DMGDH: variants seen among roughly 807,000 people sequenced by gnomAD.
DMGDH encodes the protein dimethylglycine dehydrogenase.
Under a neutral mutation model 95.2 loss-of-function variants are expected in DMGDH, and 76 were observed. The observed-to-expected ratio is 0.80, with a 90% CI of 0.66 to 0.97. The LOEUF (loss-of-function observed/expected upper bound fraction) is 0.97, where lower values mean the gene tolerates loss of function less well. Ranked by LOEUF, DMGDH falls within the 50% of genes least tolerant of loss-of-function variation. The probability of loss-of-function intolerance (pLI) is 0.00; values close to 1 mark genes in which losing one functional copy is unlikely to be tolerated. For missense variants in DMGDH, 987 were observed against 1,055.0 expected, an observed-to-expected ratio of 0.94 and a Z score of 0.89; for synonymous variants, 345 against 377.6, an observed-to-expected ratio of 0.91 and a Z score of 1.00.
chr5:79,025,657 A>G (rs1038534127), intron 13 of DMGDH, among the ~76,000 whole-genome samples: 1 of 152,184 alleles, frequency 6.6e-6, no homozygotes, highest in African/African-American at 2.4e-5. Context: ...TTCAAACCCA[A>G]GAGTCCCCGC....
rs749623624 is a variant in DMGDH at position 79,042,406 on chromosome 5, G to A, written c.1070C>T (p.Pro357Leu). The A allele has an allele frequency of 1.2e-6, 2 of 1,614,034 alleles. No individual in the cohort carries two copies. The highest frequency in any genetic ancestry group is 3.3e-5 in the Admixed American group (2 of 59,996). The change falls in exon 7 of 16, where the codon CCT (proline) becomes CTT (leucine). Residue 357 changes from proline (P) to leucine (L), a missense_variant. By Grantham distance (98) the Pro-to-Leu change is moderately conservative. Coordinates refer to ENST00000255189, the MANE Select transcript of DMGDH (RefSeq NM_013391.3). ...EHIKAAMEMV[P>L]VLKKADIINV... ...GATGATGTCAGCCTTTTTCAAGACA[G>A]GAACCATTTCCATGGCAGCTTTGAT...
chr5:79,009,821 G>T (rs1753615464), intron 14 of DMGDH, among the ~76,000 whole-genome samples: 1 of 152,088 alleles, frequency 6.6e-6, no homozygotes, highest in South Asian at 2.1e-4. Context: ...TTGCTCCCAA[G>T]ATTATAGATT....
chr5:79,023,457 C>G, intron 14 of DMGDH, among the ~76,000 whole-genome samples: 1 of 152,298 alleles, frequency 6.6e-6, no homozygotes, highest in East Asian at 1.9e-4. Context: ...TCATGATATG[C>G]TTTTCCACTA....
intron 2 of DMGDH, among the ~76,000 whole-genome samples, chr5:79,063,335 T>C (rs1025332651): frequency 1.3e-5 from 2 of 152,126 alleles, no homozygotes; most frequent in African/African-American, 4.8e-5. Flanking sequence ...TATTAAGACA[T>C]CAGAAAATGG....
At chr5:79,011,002 C>T (rs964020689) in intron 14 of DMGDH, among the ~76,000 whole-genome samples, 1 of 152,100 alleles carries the variant, frequency 6.6e-6, no homozygotes, top group Non-Finnish European at 1.5e-5. Flanking sequence ...GTGGGAATCC[C>T]GTTGCAAAGC....
Position 79,020,679 on chromosome 5 carries a change from G to C in DMGDH, c.2250+3592C>G, listed in dbSNP as rs902361268. On this transcript the variant is annotated intron_variant, in intron 14 of 15. Transcript: ENST00000255189. The stretch of plus-strand genomic sequence containing the variant: ...ATTGTCTTATAACTTATGTTTAATA[G>C]AGATTACATTTTATTCTGTTTCTAC... The C allele has an allele frequency of 3.1e-6, 3 of 979,936 alleles. No individual in the cohort carries two copies. The African/African-American group carries it at 5.3e-5, about 17-fold the overall frequency. 60.7% of individuals were successfully genotyped at this position (979,936 alleles called of 1,614,324 possible). A position where few individuals can be genotyped will look rare whatever the true frequency, so the allele number is the denominator to read the frequency against.
intron 4 of DMGDH, among the ~76,000 whole-genome samples, chr5:79,053,301 A>G (rs1027411918): frequency 6.6e-6 from 1 of 152,086 alleles, no homozygotes; most frequent in Non-Finnish European, 1.5e-5. Context: ...TACAGACGGA[A>G]TCCTACTACC....
chr5:79,054,025 G>T (rs965747549), intron 4 of DMGDH, among the ~76,000 whole-genome samples, 159 bp downstream of exon 4: 3 of 152,106 alleles, frequency 2.0e-5, no homozygotes, highest in Non-Finnish European at 2.9e-5. Flanking sequence ...GTATATAACA[G>T]CCTATCTTGT....
intron 13 of DMGDH, among the ~76,000 whole-genome samples, chr5:79,024,714 C>G (rs1298367289): frequency 6.6e-6 from 1 of 152,102 alleles, no homozygotes; most frequent in Non-Finnish European, 1.5e-5. Flanking sequence ...TACAATTCAC[C>G]AAGAATCAGG....
chr5:79,007,978 T>G (rs1438766733), intron 14 of DMGDH, among the ~76,000 whole-genome samples: 2 of 152,174 alleles, frequency 1.3e-5, no homozygotes, highest in African/African-American at 4.8e-5. Context: ...TTTTCCTCAA[T>G]GTTTTAACAG....
chr5:79,023,167 G>T (rs538669208), intron 14 of DMGDH, among the ~76,000 whole-genome samples: 4 of 152,280 alleles, frequency 2.6e-5, no homozygotes, highest in African/African-American at 9.6e-5. Flanking sequence ...TCATGAAAAA[G>T]GTTTCCTTGG....
intron 6 of DMGDH, 60 bp from the exon 7 acceptor site, chr5:79,042,541 T>C (rs1213461887): frequency 6.5e-7 from 1 of 1,537,464 alleles, no homozygotes; most frequent in Non-Finnish European, 9.0e-7. Flanking sequence ...TCCTGTAAAG[T>C]GATTTAAGCC....
chr5:79,003,620 C>T (rs1470368517), intron 15 of DMGDH, among the ~76,000 whole-genome samples: 1 of 152,166 alleles, frequency 6.6e-6, no homozygotes, highest in Non-Finnish European at 1.5e-5. Flanking sequence ...ATAACATCCA[C>T]CTGATACTCA....
chr5:79,012,593 C>T (rs545888611), intron 14 of DMGDH, among the ~76,000 whole-genome samples: 2 of 152,238 alleles, frequency 1.3e-5, no homozygotes, highest in Non-Finnish European at 1.5e-5. Flanking sequence ...GGGCTCCACC[C>T]TTGCAGCAGG....
At chr5:79,017,008 T>G (rs1753745856) in intron 14 of DMGDH, among the ~76,000 whole-genome samples, 1 of 152,086 alleles carries the variant, frequency 6.6e-6, no homozygotes, top group Non-Finnish European at 1.5e-5. Flanking sequence ...AAATAAAACT[T>G]CAGTCCATAC....
chr5:79,037,599 G>A (rs1169784192), intron 7 of DMGDH, among the ~76,000 whole-genome samples: 1 of 152,150 alleles, frequency 6.6e-6, no homozygotes, highest in Admixed American at 6.5e-5. Context: ...TCTATGACCT[G>A]AGAAAATTAG....
chr5:79,060,193 A>G (rs906386374), intron 2 of DMGDH, among the ~76,000 whole-genome samples: 1 of 152,152 alleles, frequency 6.6e-6, no homozygotes, highest in African/African-American at 2.4e-5. Flanking sequence ...AAGTTCTTAT[A>G]TCACCTCCTA....
chr5:79,016,116 T>C (rs943106276), intron 14 of DMGDH, among the ~76,000 whole-genome samples: 3 of 152,058 alleles, frequency 2.0e-5, no homozygotes, highest in African/African-American at 7.2e-5. Flanking sequence ...TGCATGTCTG[T>C]AGTCCCAGCT....
chr5:79,042,135 G>A, intron 7 of DMGDH, 148 bp downstream of exon 7: 2 of 755,870 alleles, frequency 2.6e-6, no homozygotes, highest in South Asian at 1.7e-5. Context: ...GGTCATGAAA[G>A]GGAGAAAACT....
Sources: gnomAD v4.1 joint callset for allele counts (sites outside exome capture counted in the v4.1 genomes callset) on GRCh38, gnomAD v4.1.1 for gene constraint, MANE v1.5 for transcripts, NCBI Gene and HGNC (gene_info 2026-07-23, HGNC 2026-07-21) for gene names.